Variants in KCNIP4 observed in about 807,000 individuals in gnomAD.
KCNIP4 encodes the protein Kv channel-interacting protein 4.
A neutral mutation model predicts 34.0 loss-of-function variants in KCNIP4; 12 were observed. That is an observed-to-expected ratio of 0.35 (90% confidence interval 0.23 to 0.57). The LOEUF (loss-of-function observed/expected upper bound fraction) is 0.57, where lower values mean the gene tolerates loss of function less well. Ranked by LOEUF, KCNIP4 falls within the 20% of genes least tolerant of loss-of-function variation. KCNIP4 has a pLI of 0.83. For synonymous variants in KCNIP4, 124 were observed against 102.2 expected, an observed-to-expected ratio of 1.21 and a Z score of -1.29; for missense variants, 238 against 311.7, an observed-to-expected ratio of 0.76 and a Z score of 1.78.
chr4:20,730,829 A>G (rs1747937629), intron 8 of KCNIP4, among the ~76,000 whole-genome samples: 1 of 152,144 alleles, frequency 6.6e-6, no homozygotes, highest in African/African-American at 2.4e-5. Flanking sequence ...TGTGAATAGC[A>G]CTTACTGAGC....
intron 1 of KCNIP4, chr4:21,855,586 C>CT (rs1031060189): frequency 3.3e-5 from 5 of 152,178 alleles, no homozygotes; most frequent in African/African-American, 1.2e-4. Flanking sequence ...CTAGCAGTTT[C>CT]TTTTTTCTGG....
At chr4:20,944,630 G>A (rs1218550053) in intron 1 of KCNIP4, among the ~76,000 whole-genome samples, 1 of 152,206 alleles carries the variant, frequency 6.6e-6, no homozygotes. Flanking sequence ...AGACAAAGAA[G>A]GTTTGCGGGT....
intron 1 of KCNIP4, among the ~76,000 whole-genome samples, chr4:21,683,849 A>C (rs1303764655): frequency 6.6e-6 from 1 of 152,098 alleles, no homozygotes; most frequent in Admixed American, 6.6e-5. Context: ...AGAAAACCAA[A>C]TACCTGTGGT....
At chr4:21,454,491 T>C (rs768238147) in intron 1 of KCNIP4, among the ~76,000 whole-genome samples, 3 of 152,142 alleles carry the variant, frequency 2.0e-5, no homozygotes, top group Non-Finnish European at 4.4e-5. Flanking sequence ...TGATTCATCA[T>C]CTTGACTCCA....
At chr4:21,126,402 G>C (rs1330161581) in intron 1 of KCNIP4, among the ~76,000 whole-genome samples, 3 of 152,020 alleles carry the variant, frequency 2.0e-5, no homozygotes, top group African/African-American at 7.2e-5. Flanking sequence ...TTGGTAGTGA[G>C]AGCGACTACA....
intron 1 of KCNIP4, among the ~76,000 whole-genome samples, chr4:21,313,848 T>C (rs1269186730): frequency 6.6e-6 from 1 of 152,236 alleles, no homozygotes; most frequent in East Asian, 1.9e-4. Flanking sequence ...ACTACGGTAT[T>C]GTTTCACAGT....
chr4:21,459,853 T>C (rs1729297868), intron 1 of KCNIP4, among the ~76,000 whole-genome samples: 1 of 151,986 alleles, frequency 6.6e-6, no homozygotes, highest in Non-Finnish European at 1.5e-5. Flanking sequence ...ACTTTCACCA[T>C]CACCATTGCC....
intron 1 of KCNIP4, among the ~76,000 whole-genome samples, chr4:21,616,572 A>T (rs1242986335): frequency 6.6e-6 from 1 of 152,134 alleles, no homozygotes; most frequent in Non-Finnish European, 1.5e-5. Context: ...ATATGTCTAA[A>T]ATCAAGGTGT....
chr4:21,590,731 C>T (rs923859606), intron 1 of KCNIP4, among the ~76,000 whole-genome samples: 7 of 151,952 alleles, frequency 4.6e-5, no homozygotes, highest in African/African-American at 1.7e-4. Flanking sequence ...ATCTTCAATG[C>T]ACAGTACATG....
chr4:21,708,897 T>C (rs1713498236), intron 1 of KCNIP4, among the ~76,000 whole-genome samples: 1 of 152,214 alleles, frequency 6.6e-6, no homozygotes, highest in Non-Finnish European at 1.5e-5. Context: ...AGTTAACTAA[T>C]ATTTAAAAAC....
chr4:21,659,005 C>T (rs1748207433), intron 1 of KCNIP4, among the ~76,000 whole-genome samples: 2 of 152,200 alleles, frequency 1.3e-5, no homozygotes, highest in Admixed American at 1.3e-4. Context: ...TGTTCAAAGT[C>T]TCTCTCAACA....
intron 1 of KCNIP4, among the ~76,000 whole-genome samples, chr4:20,974,574 G>A (rs1177853280): frequency 1.3e-5 from 2 of 152,142 alleles, no homozygotes; most frequent in African/African-American, 4.8e-5. Context: ...TCTCAAGGCT[G>A]CTTGATGCTC....
intron 1 of KCNIP4, among the ~76,000 whole-genome samples, chr4:21,669,192 C>T (rs973464725): frequency 2.8e-5 from 4 of 141,190 alleles, no homozygotes; most frequent in Non-Finnish European, 6.2e-5. Context: ...TTGTTGCAAA[C>T]ATAGCTTGCT....
intron 1 of KCNIP4, among the ~76,000 whole-genome samples, chr4:21,804,765 T>C (rs911914336): frequency 4.6e-5 from 7 of 152,196 alleles, no homozygotes; most frequent in Non-Finnish European, 1.0e-4. Flanking sequence ...TGTGACTTAA[T>C]GAAAACTTTA....
intron 1 of KCNIP4, among the ~76,000 whole-genome samples, chr4:21,093,976 G>A (rs1747239089): frequency 1.3e-5 from 2 of 152,090 alleles, no homozygotes; most frequent in Non-Finnish European, 2.9e-5. Context: ...CAGCTACTCA[G>A]GAGGCTGAGG....
At chr4:20,816,357 T>G (rs1270543949) in intron 3 of KCNIP4, among the ~76,000 whole-genome samples, 1 of 152,008 alleles carries the variant, frequency 6.6e-6, no homozygotes, top group African/African-American at 2.4e-5. Context: ...GGAGAACACT[T>G]TAGGGAGAAA....
intron 3 of KCNIP4, among the ~76,000 whole-genome samples, chr4:20,781,905 G>A (rs1756907217): frequency 6.6e-6 from 1 of 152,154 alleles, no homozygotes; most frequent in East Asian, 1.9e-4. Flanking sequence ...GGAAAGGCAA[G>A]TCCCTTCTGC....
At chr4:20,849,311 A>G (rs1720749631) in intron 3 of KCNIP4, among the ~76,000 whole-genome samples, 2 of 152,104 alleles carry the variant, frequency 1.3e-5, no homozygotes, top group Admixed American at 6.6e-5. Flanking sequence ...AAACTTAGAA[A>G]GCCCAGGGCA....
Position 20,850,557 on chromosome 4 carries a change from T to G in KCNIP4, c.274A>C (p.Arg92=). ...FTKKELQILY[R]GFKNECPSGV... is the part of the protein sequence containing the mutation. ...AAAGTTCTTACATTCTTAAATCCTC[T>G]GTAAAGGATCTGAAGCTCTTTCTTG... Residue 92 remains arginine (R), a synonymous_variant, in exon 3 of 9, where the codon AGA becomes CGA. Coordinates refer to ENST00000382152, the MANE Select transcript of KCNIP4 (RefSeq NM_025221.6). 1 of 1,612,864 alleles carries G rather than the reference T, an allele frequency of 6.2e-7. No individual in the cohort carries two copies. Among genetic ancestry groups the G allele is most frequent in the Non-Finnish European group, 8.5e-7 (1 of 1,179,710 alleles).
Sources: allele counts gnomAD v4.1 joint callset (sites outside exome capture counted in the v4.1 genomes callset), GRCh38; gene constraint gnomAD v4.1.1; transcripts MANE v1.5; gene names NCBI Gene and HGNC (gene_info 2026-07-23, HGNC 2026-07-21).